Variants in CACNA2D1 observed in about 807,000 individuals in gnomAD.
The protein encoded by CACNA2D1 is calcium voltage-gated channel auxiliary subunit alpha2delta 1, also known as voltage-dependent calcium channel subunit alpha-2/delta-1.
CACNA2D1 carries 53 observed loss-of-function variants against 171.5 expected under a neutral mutation model. The observed-to-expected ratio is 0.31, with a 90% confidence interval of 0.25 to 0.39. The LOEUF is 0.39. Among genes scored for constraint, CACNA2D1 ranks in the 10% least tolerant of loss-of-function variants. CACNA2D1 has a pLI of 1.00. For missense variants in CACNA2D1, 903 were observed against 1,299.8 expected (o/e 0.69, Z 4.69); for synonymous variants, 442 against 443.1 (o/e 1.00, Z 0.03).
intron 1 of CACNA2D1, among the ~76,000 whole-genome samples, chr7:82,406,295 A>G (rs1015858472): frequency 6.6e-6 from 1 of 152,152 alleles, no homozygotes. Context: ...TCTATCACTG[A>G]TGGACATTTG....
At chr7:82,097,610 A>G (rs17821377) in intron 6 of CACNA2D1, among the ~76,000 whole-genome samples, 20,969 of 152,146 alleles carry the variant, frequency 0.14, 1,895 homozygotes, top group Middle Eastern at 0.22. Flanking sequence ...GATACATTCA[A>G]TTTTGAACAT....
At chr7:82,106,763 A>G (rs972323003) in intron 6 of CACNA2D1, among the ~76,000 whole-genome samples, 40 of 152,302 alleles carry the variant, frequency 2.6e-4, no homozygotes, top group African/African-American at 9.6e-4. Flanking sequence ...ACTGAGAAAT[A>G]TCAGCTCTGA....
At chr7:82,434,641 T>C (rs941981592) in intron 1 of CACNA2D1, among the ~76,000 whole-genome samples, 1 of 152,182 alleles carries the variant, frequency 6.6e-6, no homozygotes, top group Non-Finnish European at 1.5e-5. Flanking sequence ...TTTCTGTTCC[T>C]GTGTTAGTTT....
At chr7:82,262,388 T>C (rs2129334278) in intron 3 of CACNA2D1, among the ~76,000 whole-genome samples, 1 of 152,282 alleles carries the variant, frequency 6.6e-6, no homozygotes, top group Admixed American at 6.5e-5. Context: ...ACAGATATGT[T>C]ATCCTTTTAC....
chr7:82,131,322 G>A (rs1790953130), intron 5 of CACNA2D1, among the ~76,000 whole-genome samples: 2 of 152,090 alleles, frequency 1.3e-5, no homozygotes, highest in Non-Finnish European at 1.5e-5. Context: ...TGCTACATAT[G>A]CCCAAGTAAG....
At chr7:82,015,994 G>A (rs1403046983) in intron 12 of CACNA2D1, among the ~76,000 whole-genome samples, 1 of 152,194 alleles carries the variant, frequency 6.6e-6, no homozygotes, top group African/African-American at 2.4e-5. Context: ...CATAATCCAA[G>A]CTTTAAATAC....
At chr7:82,196,845 G>A (rs1798905672) in intron 3 of CACNA2D1, among the ~76,000 whole-genome samples, 1 of 151,812 alleles carries the variant, frequency 6.6e-6, no homozygotes, top group African/African-American at 2.4e-5. Context: ...GTGAATAGAG[G>A]ATGGTTGCCT....
chr7:82,076,764 GCGAC>G (rs1809017835), intron 7 of CACNA2D1, among the ~76,000 whole-genome samples: 1 of 152,030 alleles, frequency 6.6e-6, no homozygotes, highest in African/African-American at 2.4e-5. Flanking sequence ...GACATTCAAG[GCGAC>G]ATATTCTACC....
chr7:81,965,373 G>A (rs1172300033), intron 32 of CACNA2D1, among the ~76,000 whole-genome samples: 1 of 151,864 alleles, frequency 6.6e-6, no homozygotes, highest in African/African-American at 2.4e-5. Context: ...TTAACTGTAT[G>A]TTTTAATGAT....
intron 3 of CACNA2D1, among the ~76,000 whole-genome samples, chr7:82,292,008 C>A (rs1303394219): frequency 6.6e-6 from 1 of 151,948 alleles, no homozygotes; most frequent in Admixed American, 6.6e-5. Flanking sequence ...CACGCACACA[C>A]ACACACACAC....
intron 2 of CACNA2D1, among the ~76,000 whole-genome samples, chr7:82,348,078 A>G (rs984467608): frequency 1.3e-5 from 2 of 152,182 alleles, no homozygotes; most frequent in African/African-American, 4.8e-5. Flanking sequence ...AGAGCAGCTT[A>G]TTTTTAATCT....
intron 14 of CACNA2D1, among the ~76,000 whole-genome samples, chr7:82,012,679 A>C (rs1488480629): frequency 6.6e-6 from 1 of 152,168 alleles, no homozygotes; most frequent in Non-Finnish European, 1.5e-5. Flanking sequence ...TCAAAACTAC[A>C]TTTAAACACA....
At chr7:82,255,435 A>C (rs2129322418) in intron 3 of CACNA2D1, among the ~76,000 whole-genome samples, 1 of 152,332 alleles carries the variant, frequency 6.6e-6, no homozygotes. Flanking sequence ...GCACTTTATA[A>C]ATATGTCATG....
At chr7:82,014,786 G>A (rs948856222) in intron 12 of CACNA2D1, among the ~76,000 whole-genome samples, 7 of 152,148 alleles carry the variant, frequency 4.6e-5, no homozygotes, top group African/African-American at 1.4e-4. Flanking sequence ...AGACGCAGTG[G>A]CTCACGCTCG....
intron 1 of CACNA2D1, among the ~76,000 whole-genome samples, chr7:82,362,826 T>G (rs1284305790): frequency 6.6e-6 from 1 of 152,220 alleles, no homozygotes; most frequent in Non-Finnish European, 1.5e-5. Flanking sequence ...GGTCTTTTAG[T>G]CCAGTTCTTA....
rs773003658 is a variant in CACNA2D1 at position 82,012,129 on chromosome 7, TTGAC to T, written c.1362+21_1362+24del. ...CTGTGTGCTTTTGTTATGACAGTCT[TTGAC>T]TGAATAGCTCAACCTCTTACCAATG... On this transcript the variant is annotated intron_variant, in intron 15 of 38. Coordinates refer to ENST00000356860, the MANE Select transcript of CACNA2D1 (RefSeq NM_000722.4). The T allele has an allele frequency of 9.8e-6, 13 of 1,328,674 alleles. No individual in the cohort carries two copies. The East Asian group carries it at 2.5e-4, about 26-fold the overall frequency. The allele number at this position is 1,328,674 out of a possible 1,614,324, so 82.3% of individuals were successfully genotyped here.
At chr7:82,162,250 A>T (rs948503893) in intron 4 of CACNA2D1, among the ~76,000 whole-genome samples, 1 of 152,050 alleles carries the variant, frequency 6.6e-6, no homozygotes, top group Non-Finnish European at 1.5e-5. Context: ...TTGCAGTATA[A>T]AACAGCAAAG....
At chr7:82,228,430 T>C (rs573435500) in intron 3 of CACNA2D1, among the ~76,000 whole-genome samples, 80 of 152,302 alleles carry the variant, frequency 5.3e-4, no homozygotes, top group African/African-American at 1.8e-3. Flanking sequence ...TGCTTTAAGC[T>C]GACAAGCTTG....
At chr7:81,964,144 T>C (rs779639873) in intron 33 of CACNA2D1, 36 bp from the exon 34 acceptor site, 3 of 1,605,510 alleles carry the variant, frequency 1.9e-6, no homozygotes, top group Admixed American at 1.7e-5. Context: ...TTCAGTAGTC[T>C]ACTTGATACT....
Sources: allele counts gnomAD v4.1 joint callset (sites outside exome capture counted in the v4.1 genomes callset), GRCh38; gene constraint gnomAD v4.1.1; transcripts MANE v1.5; gene names NCBI Gene and HGNC (gene_info 2026-07-23, HGNC 2026-07-21).